TLR5: variants seen among roughly 807,000 people sequenced by gnomAD.
TLR5 encodes the protein toll like receptor 5.
For synonymous variants in TLR5, 373 were observed against 384.4 expected (o/e 0.97, Z 0.35); for missense variants, 944 against 999.8 (o/e 0.94, Z 0.75).
rs1482385644 is a variant in TLR5, at chr1:223,111,171, G to A, written c.1861C>T (p.Leu621Phe). Residue 621 changes from leucine to phenylalanine, a missense_variant, in exon 6 of 6, where the codon CTC becomes TTC. Transcript: ENST00000642603. Reference protein sequence around the residue: ...VYPDSFSGVSLFSLSTEGCDE... With the variant: ...VYPDSFSGVSFFSLSTEGCDE... ...CAACCTTCCGTGGAAAGAGAGAAGA[G>A]GGAAACCCCAGAGAACGAGTCAGGG... 3.1e-6 allele frequency: 5 copies of A among 1,614,080 alleles called. No homozygotes were observed. Among genetic ancestry groups the A allele is most frequent in the Admixed American group, 3.3e-5 (2 of 60,008 alleles).
In TLR5 at chr1:223,112,856, C is replaced by G. The variant is rs1259641204; in HGVS notation, c.176G>C (p.Arg59Thr). ...GGGGAAGGATGAAGCAGTGACTGTC[C>G]TGATATAGTTGAAGCTCAGCAGGAG... The part of the protein sequence containing the change: ...ERLLLSFNYI[R>T]TVTASSFPFL... Residue 59 changes from arginine (R) to threonine (T), a missense_variant, in exon 6 of 6, where the codon AGG (arginine) becomes ACG (threonine). Transcript: ENST00000642603. 6.2e-7 allele frequency: 1 copy of G among 1,613,874 alleles called. No individual in the cohort carries two copies. The highest frequency in any genetic ancestry group is 1.1e-5 in the South Asian group (1 of 91,028).
At chr1:223,142,568 A>C (rs5744107) in intron 1 of TLR5, among the ~76,000 whole-genome samples, 3,176 of 152,254 alleles carry the variant, frequency 0.021, 44 homozygotes, top group Middle Eastern at 0.031. Flanking sequence ...TGGCTTTCCA[A>C]TTGTGTTTTC....
intron 5 of TLR5, among the ~76,000 whole-genome samples, chr1:223,113,556 A>C (rs185462512): frequency 6.6e-6 from 1 of 152,268 alleles, no homozygotes; most frequent in African/African-American, 2.4e-5. Context: ...TATACTAGGC[A>C]CTATTCTAGG....
chr1:223,130,284 T>C (rs1273907094), intron 5 of TLR5, among the ~76,000 whole-genome samples: 1 of 152,212 alleles, frequency 6.6e-6, no homozygotes, highest in African/African-American at 2.4e-5. Flanking sequence ...TGGTTTGTGG[T>C]TTAAAAGCCC....
rs1656457192 is a variant in TLR5 at position 223,113,169 on chromosome 1, C to T, written c.-4-134G>A. ...CCCTTCATTCCTCTGACTCCACAGA[C>T]GTGGCTGTTGGCAGATACAGACAAA... On this transcript the variant is annotated intron_variant, in intron 5 of 5. Coordinates refer to ENST00000642603, the MANE Select transcript of TLR5 (RefSeq NM_003268.6). 4 of 862,944 alleles carry T rather than the reference C, an allele frequency of 4.6e-6. No homozygotes were observed. In the Admixed American group the frequency reaches 6.1e-5, roughly 13 times the overall value. 53.5% of individuals were successfully genotyped at this position (862,944 alleles called of 1,614,324 possible).
At position 223,111,059 on chromosome 1, in the gene TLR5, A is replaced by AG. The variant is rs763018081; in HGVS notation, c.1972dup (p.Leu658ProfsTer15). On this transcript the variant is annotated frameshift_variant, in exon 6 of 6. Coordinates refer to ENST00000642603, the MANE Select transcript of TLR5 (RefSeq NM_003268.6). LOFTEE classifies it low-confidence loss of function (END_TRUNC). ...GAAGCCCCGGAACTTTGTGACTGTG[A>AG]GGATGGTCATGAGGAACAGAGTCAG... The AG allele has an allele frequency of 4.3e-6, 7 of 1,614,074 alleles. No individual in the cohort carries two copies. The highest frequency in any genetic ancestry group is 5.9e-6 in the Non-Finnish European group (7 of 1,180,050).
At chr1:223,136,334 C>G (rs1048654293) in intron 3 of TLR5, among the ~76,000 whole-genome samples, 2 of 152,190 alleles carry the variant, frequency 1.3e-5, no homozygotes, top group African/African-American at 4.8e-5. Flanking sequence ...GAGATACCTG[C>G]ACCCGAGCCC....
chr1:223,129,804 A>G (rs1657330399), intron 5 of TLR5, among the ~76,000 whole-genome samples: 1 of 152,198 alleles, frequency 6.6e-6, no homozygotes, highest in Non-Finnish European at 1.5e-5. Context: ...TCAGGGATTA[A>G]CACAGCGGGC....
At chr1:223,115,405 A>C (rs551562388) in intron 5 of TLR5, among the ~76,000 whole-genome samples, 2 of 152,186 alleles carry the variant, frequency 1.3e-5, no homozygotes, top group South Asian at 4.1e-4. Flanking sequence ...GTGTGCCAGC[A>C]CGCCCAGCTA....
At chr1:223,140,666 G>C (rs879687611) in intron 2 of TLR5, among the ~76,000 whole-genome samples, 1 of 152,034 alleles carries the variant, frequency 6.6e-6, no homozygotes, top group Non-Finnish European at 1.5e-5. Flanking sequence ...AATTGGCTCT[G>C]GGCAGCAAGT....
intron 2 of TLR5, among the ~76,000 whole-genome samples, chr1:223,138,353 C>T (rs1194346761): frequency 6.6e-6 from 1 of 152,038 alleles, no homozygotes; most frequent in Non-Finnish European, 1.5e-5. Flanking sequence ...CTTGAAATAT[C>T]TCTTCCTTTG....
chr1:223,120,585 C>G (rs181428084), intron 5 of TLR5, among the ~76,000 whole-genome samples: 1 of 152,240 alleles, frequency 6.6e-6, no homozygotes, highest in Non-Finnish European at 1.5e-5. Context: ...TTGGAATAAA[C>G]TCTCGAAATA....
rs770508677 is a variant in TLR5, at chr1:223,110,508, C to A, written c.2524G>T (p.Glu842Ter). ...LSQQILKKEK[E>*]KKKDNNIPLQ... Reference sequence around the variant, plus strand: ...GGAATGTTATTGTCTTTCTTCTTTTCTTTTTCTTTCTTTAGTATCTGTTGA... The same window carrying A: ...GGAATGTTATTGTCTTTCTTCTTTTATTTTTCTTTCTTTAGTATCTGTTGA... The change falls in exon 6 of 6, where the codon GAA becomes TAA. Residue 842 changes from glutamate (E) to a stop codon, truncating the protein, a stop_gained. Transcript: ENST00000642603. LOFTEE classifies it low-confidence loss of function (END_TRUNC). The A allele has an allele frequency of 1.2e-6, 2 of 1,614,058 alleles. No homozygotes were observed. Among genetic ancestry groups the A allele is most frequent in the South Asian group, 2.2e-5 (2 of 91,064 alleles).
At chr1:223,130,256 AGTT>A (rs1318360207) in intron 5 of TLR5, among the ~76,000 whole-genome samples, 1 of 152,160 alleles carries the variant, frequency 6.6e-6, no homozygotes, top group Non-Finnish European at 1.5e-5. Flanking sequence ...ATTTGTCCAC[AGTT>A]GTTGTCAAGC....
At chr1:223,121,356 G>C (rs939734841) in intron 5 of TLR5, among the ~76,000 whole-genome samples, 3 of 152,200 alleles carry the variant, frequency 2.0e-5, no homozygotes, top group Non-Finnish European at 4.4e-5. Context: ...AAATAATAAA[G>C]AGGTCATTTC....
intron 4 of TLR5, 179 bp downstream of exon 4, chr1:223,134,503 C>T (rs1657525134): frequency 6.6e-6 from 1 of 152,144 alleles, no homozygotes; most frequent in Non-Finnish European, 1.5e-5. Flanking sequence ...ATGTTGAAAA[C>T]ACATGGTTTA....
At chr1:223,139,808 C>A (rs1252310820) in intron 2 of TLR5, among the ~76,000 whole-genome samples, 1 of 152,200 alleles carries the variant, frequency 6.6e-6, no homozygotes, top group Admixed American at 6.5e-5. Flanking sequence ...TAGGAATTGG[C>A]TCCATCTAAT....
intron 5 of TLR5, chr1:223,127,049 C>T (rs1409268362): frequency 6.6e-6 from 1 of 152,232 alleles, no homozygotes; most frequent in East Asian, 1.9e-4. Context: ...GTCTCTGCAG[C>T]AAACACACAG....
At position 223,112,180 on chromosome 1, in the gene TLR5, G is replaced by A; in HGVS notation, c.852C>T (p.Gly284=). 1 of 1,614,212 alleles carries A rather than the reference G, an allele frequency of 6.2e-7. No homozygotes were observed. The highest frequency in any genetic ancestry group is 8.5e-7 in the Non-Finnish European group (1 of 1,180,040). Reference sequence around the variant, plus strand: ...GGTGTCTCACTGAACTTCTGGCCAGGCCAGCAAATGTGTTCTGGTCAGGAT... The same window carrying A: ...GGTGTCTCACTGAACTTCTGGCCAGACCAGCAAATGTGTTCTGGTCAGGAT... The part of the protein sequence containing the change: ...IKDPDQNTFA[G]LARSSVRHLD... The change falls in exon 6 of 6, where the codon GGC becomes GGT. Residue 284 remains glycine, a synonymous_variant. Transcript: ENST00000642603.
Sources: allele counts gnomAD v4.1 joint callset (sites outside exome capture counted in the v4.1 genomes callset), GRCh38; gene constraint gnomAD v4.1.1; transcripts MANE v1.5; gene names NCBI Gene and HGNC (gene_info 2026-07-23, HGNC 2026-07-21).